ASPRV1: variants seen among roughly 807,000 people sequenced by gnomAD.
ASPRV1 encodes the protein aspartic peptidase retroviral like 1, also known as retroviral-like aspartic protease 1.
In ASPRV1, 7 loss-of-function variants were observed where a neutral mutation model predicts 11.0. That is an observed-to-expected ratio of 0.64 (90% confidence interval 0.36 to 1.20). The LOEUF is 1.20. Ranked by LOEUF, ASPRV1 falls within the 50% of genes most tolerant of loss-of-function variation. ASPRV1 has a pLI of 0.02. For synonymous variants in ASPRV1, 136 were observed against 138.4 expected, an observed-to-expected ratio of 0.98 and a Z score of 0.12; for missense variants, 299 against 320.0, an observed-to-expected ratio of 0.93 and a Z score of 0.50.
chr2:70,044,563 G>A, the ASPRV1 span, among the ~76,000 whole-genome samples: 3,799 of 152,270 alleles, frequency 0.025, 149 homozygotes, highest in African/African-American at 0.085. Context: ...GGATTCAGGC[G>A]ATTCTCCTGC....
At chr2:70,067,577 T>C in the ASPRV1 span, among the ~76,000 whole-genome samples, 1 of 152,238 alleles carries the variant, frequency 6.6e-6, no homozygotes, top group Non-Finnish European at 1.5e-5. Context: ...TGCCTGTTTG[T>C]ACTAACATGG....
At chr2:70,032,888 C>A in the ASPRV1 span, among the ~76,000 whole-genome samples, 1 of 152,094 alleles carries the variant, frequency 6.6e-6, no homozygotes, top group Non-Finnish European at 1.5e-5. Context: ...TGCTGTCCCC[C>A]TTTGGAGTCT....
the ASPRV1 span, among the ~76,000 whole-genome samples, chr2:70,057,414 T>C: frequency 6.6e-6 from 1 of 152,176 alleles, no homozygotes; most frequent in South Asian, 2.1e-4. Flanking sequence ...TTGGAGATTG[T>C]TCCACATCAG....
chr2:69,946,711 A>G, the ASPRV1 span, among the ~76,000 whole-genome samples: 3 of 152,188 alleles, frequency 2.0e-5, no homozygotes, highest in Non-Finnish European at 4.4e-5. Context: ...TGTCATTCTG[A>G]CTGTGCTGTT....
At chr2:69,941,847 GA>G in the ASPRV1 span, 1 of 149,914 alleles carries the variant, frequency 6.7e-6, no homozygotes, top group East Asian at 1.9e-4. Context: ...ACTTATTTTT[GA>G]AAAGTATCTA....
the ASPRV1 span, among the ~76,000 whole-genome samples, chr2:69,933,225 C>CAAAA: frequency 9.0e-6 from 1 of 111,288 alleles, no homozygotes; most frequent in Non-Finnish European, 1.9e-5. Flanking sequence ...AAAAAAAAAA[C>CAAAA]AAAAAAAGAA....
downstream of ASPRV1, among the ~76,000 whole-genome samples, chr2:69,959,853 C>T (rs932415778): frequency 6.6e-6 from 1 of 152,162 alleles, no homozygotes; most frequent in African/African-American, 2.4e-5. Flanking sequence ...TGCTAAAATA[C>T]TACAGATTGA....
chr2:69,973,564 T>C, the ASPRV1 span, among the ~76,000 whole-genome samples: 1 of 152,192 alleles, frequency 6.6e-6, no homozygotes, highest in Non-Finnish European at 1.5e-5. Context: ...CCCAGGCTGG[T>C]CTTGGACTCC....
chr2:70,073,289 T>C, the ASPRV1 span: 1 of 152,114 alleles, frequency 6.6e-6, no homozygotes, highest in Non-Finnish European at 1.5e-5. Context: ...GAGTTTTTAT[T>C]CTAAATAAAA....
At chr2:69,986,543 G>A in the ASPRV1 span, among the ~76,000 whole-genome samples, 5 of 152,188 alleles carry the variant, frequency 3.3e-5, no homozygotes, top group Non-Finnish European at 5.9e-5. Context: ...GAGCAGGAGG[G>A]AGCCCACACT....
the ASPRV1 span, among the ~76,000 whole-genome samples, chr2:70,022,346 AACACACACACACACTTAC>A: frequency 0.026 from 3,572 of 138,568 alleles, 319 homozygotes; most frequent in Admixed American, 0.17. Context: ...TTCTTACCAA[AACACACACACACACTTAC>A]ACACACACAC....
chr2:70,076,258 A>T, the ASPRV1 span, among the ~76,000 whole-genome samples: 1 of 152,246 alleles, frequency 6.6e-6, no homozygotes, highest in Non-Finnish European at 1.5e-5. Flanking sequence ...AAGGTGATGC[A>T]GCGTAATGGT....
At chr2:69,989,312 C>T in the ASPRV1 span, among the ~76,000 whole-genome samples, 2 of 152,248 alleles carry the variant, frequency 1.3e-5, no homozygotes, top group Admixed American at 6.5e-5. Context: ...TTTTATAAGA[C>T]ATTTAATGTC....
At chr2:70,024,623 C>T in the ASPRV1 span, among the ~76,000 whole-genome samples, 7 of 152,166 alleles carry the variant, frequency 4.6e-5, no homozygotes, top group Non-Finnish European at 7.4e-5. Context: ...CCCTCCTCTC[C>T]TCACTTCTTC....
chr2:70,017,451 A>G, the ASPRV1 span, among the ~76,000 whole-genome samples: 1 of 151,650 alleles, frequency 6.6e-6, no homozygotes, highest in Non-Finnish European at 1.5e-5. Context: ...GTGAAAATTG[A>G]AAGTTTTTTT....
the ASPRV1 span, chr2:70,070,272 G>A: frequency 6.8e-6 from 1 of 147,346 alleles, no homozygotes; most frequent in Non-Finnish European, 1.5e-5. Flanking sequence ...CAGAACAAGA[G>A]AACAGATTAT....
At chr2:70,002,079 A>G in the ASPRV1 span, among the ~76,000 whole-genome samples, 2 of 152,210 alleles carry the variant, frequency 1.3e-5, no homozygotes, top group Admixed American at 1.3e-4. Flanking sequence ...GACAAATATT[A>G]GCATGATTTT....
chr2:69,952,964 C>A, the ASPRV1 span, among the ~76,000 whole-genome samples: 27 of 152,238 alleles, frequency 1.8e-4, no homozygotes, highest in Admixed American at 5.9e-4. Context: ...CAGGGCAGCA[C>A]AGAACCCCCA....
the ASPRV1 span, among the ~76,000 whole-genome samples, chr2:70,009,225 A>G: frequency 3.3e-5 from 5 of 152,318 alleles, no homozygotes; most frequent in East Asian, 1.9e-4. Flanking sequence ...CAAGAAGAGC[A>G]TTTATATACT....
Sources: allele counts gnomAD v4.1 joint callset (sites outside exome capture counted in the v4.1 genomes callset), GRCh38; gene constraint gnomAD v4.1.1; transcripts MANE v1.5; gene names NCBI Gene and HGNC (gene_info 2026-07-23, HGNC 2026-07-21).